BCKDHA: variants seen among roughly 807,000 people sequenced by gnomAD.
The protein encoded by BCKDHA is 2-oxoisovalerate dehydrogenase subunit alpha, mitochondrial.
In BCKDHA, 43 loss-of-function variants were observed where a neutral mutation model predicts 52.2. That is an observed-to-expected ratio of 0.82 (90% CI 0.64 to 1.06). The LOEUF (loss-of-function observed/expected upper bound fraction) is 1.06. Among genes scored for constraint, BCKDHA ranks in the 50% least tolerant of loss-of-function variants. BCKDHA has a pLI of 0.00. For synonymous variants in BCKDHA, 234 were observed against 247.9 expected (o/e 0.94, Z 0.53); for missense variants, 527 against 621.3 (o/e 0.85, Z 1.61).
At chr19:41,409,466 G>A (rs540768466) in intron 1 of BCKDHA, among the ~76,000 whole-genome samples, 1 of 152,310 alleles carries the variant, frequency 6.6e-6, no homozygotes, top group African/African-American at 2.4e-5. Context: ...CTTGGAACAT[G>A]TCAGGTGCTC....
At chr19:41,420,902 C>T (rs538933422) in intron 5 of BCKDHA, among the ~76,000 whole-genome samples, 1 of 152,346 alleles carries the variant, frequency 6.6e-6, no homozygotes, top group South Asian at 2.1e-4. Context: ...GGGCCTGTAG[C>T]CTGATCTAGG....
rs749876943 is a variant in BCKDHA, at chr19:41,424,573, G to C, written c.1303G>C (p.Gly435Arg). 3.1e-6 allele frequency: 5 copies of C among 1,613,380 alleles called. No homozygotes were observed. Among genetic ancestry groups the C allele is most frequent in the Non-Finnish European group, 4.2e-6 (5 of 1,179,700 alleles). ...TCTGGCCCGCCACCTGCAGACCTAC[G>C]GGGAGCACTACCCACTGGATCACTT... Reference protein sequence around the residue: ...ESLARHLQTYGEHYPLDHFDK With the variant: ...ESLARHLQTYREHYPLDHFDK Residue 435 changes from glycine (G) to arginine (R), a missense_variant, in exon 9 of 9, where the codon GGG becomes CGG. Gly to Arg is a moderately radical substitution (Grantham distance 125). Transcript: ENST00000269980.
At chr19:41,415,044 G>A (rs940478661) in intron 4 of BCKDHA, among the ~76,000 whole-genome samples, 15 of 152,154 alleles carry the variant, frequency 9.9e-5, no homozygotes, top group African/African-American at 2.9e-4. Flanking sequence ...TGTCATGATC[G>A]GGGACTCGCC....
chr19:41,422,213 C>T lies in BCKDHA; in HGVS notation c.696C>T (p.Val232=). ...AAKRANANRV[V]ICYFGEGAAS... ...AGCGGGCCAATGCCAACAGGGTCGT[C>T]ATCTGTTACTTCGGCGAGGGGGCAG... The change falls in exon 6 of 9, where the codon GTC becomes GTT. Residue 232 remains valine (V), a synonymous_variant. Transcript: ENST00000269980. 5 of 1,614,184 alleles carry T rather than the reference C, an allele frequency of 3.1e-6. No homozygotes were observed. The highest frequency in any genetic ancestry group is 4.2e-6 in the Non-Finnish European group (5 of 1,180,018).
chr19:41,410,267 G>A (rs1222642783), intron 1 of BCKDHA, among the ~76,000 whole-genome samples: 3 of 152,170 alleles, frequency 2.0e-5, no homozygotes, highest in Non-Finnish European at 2.9e-5. Flanking sequence ...GCCAGAATGG[G>A]GAGGCCTCGA....
chr19:41,419,986 CT>C (rs1184256822), intron 5 of BCKDHA, among the ~76,000 whole-genome samples: 1 of 152,174 alleles, frequency 6.6e-6, no homozygotes, highest in Non-Finnish European at 1.5e-5. Flanking sequence ...CCAGGCTGGT[CT>C]TGAACCTGAG....
At chr19:41,413,949 G>A in intron 3 of BCKDHA, 100 bp from the exon 4 acceptor site, 1 of 1,023,838 alleles carries the variant, frequency 9.8e-7, no homozygotes, top group South Asian at 1.3e-5. Flanking sequence ...GGAGGACTGT[G>A]AATTCATGGA....
intron 1 of BCKDHA, among the ~76,000 whole-genome samples, chr19:41,402,040 G>A (rs993156570): frequency 6.6e-6 from 1 of 152,206 alleles, no homozygotes; most frequent in Non-Finnish European, 1.5e-5. Flanking sequence ...CATGGCGGAA[G>A]GCAAATGAGG....
chr19:41,401,745 C>T (rs948456523), intron 1 of BCKDHA, among the ~76,000 whole-genome samples: 1 of 152,192 alleles, frequency 6.6e-6, no homozygotes, highest in African/African-American at 2.4e-5. Flanking sequence ...CTCTCTGACC[C>T]TAGCTAGTGG....
chr19:41,416,682 G>T (rs1328782273), intron 4 of BCKDHA, among the ~76,000 whole-genome samples: 2 of 152,166 alleles, frequency 1.3e-5, no homozygotes, highest in East Asian at 3.9e-4. Context: ...CACTTCGGGA[G>T]GCTGAGGCGG....
At chr19:41,411,167 G>T (rs934456348) in intron 3 of BCKDHA, among the ~76,000 whole-genome samples, 158 bp downstream of exon 3, 2 of 152,202 alleles carry the variant, frequency 1.3e-5, no homozygotes, top group South Asian at 4.1e-4. Flanking sequence ...GGAGAAGTGT[G>T]AGAGCAGTCC....
At chr19:41,401,634 T>C (rs2039139998) in intron 1 of BCKDHA, among the ~76,000 whole-genome samples, 1 of 152,140 alleles carries the variant, frequency 6.6e-6, no homozygotes, top group Non-Finnish European at 1.5e-5. Context: ...GACGTTTTAG[T>C]GCTCAGGGAA....
At chr19:41,418,312 G>A (rs1467141918) in intron 4 of BCKDHA, among the ~76,000 whole-genome samples, 1 of 152,058 alleles carries the variant, frequency 6.6e-6, no homozygotes, top group Admixed American at 6.6e-5. Flanking sequence ...CTTCAGGCGG[G>A]GCAAAGAGCT....
intron 1 of BCKDHA, chr19:41,399,749 T>A (rs1268489785): frequency 6.6e-6 from 1 of 151,190 alleles, no homozygotes; most frequent in Non-Finnish European, 1.5e-5. Context: ...TCTTCTCTTT[T>A]CTCTCTCTCT....
At chr19:41,421,764 G>A (rs952668424) in intron 5 of BCKDHA, among the ~76,000 whole-genome samples, 6 of 152,082 alleles carry the variant, frequency 3.9e-5, no homozygotes, top group African/African-American at 7.2e-5. Flanking sequence ...CATGGAATCC[G>A]CGGGCTGCCC....
chr19:41,418,777 C>A, intron 4 of BCKDHA: 1 of 449,070 alleles, frequency 2.2e-6, no homozygotes, highest in Non-Finnish European at 4.4e-6. Flanking sequence ...TGGGCTCAAG[C>A]GATCCTCCAA....
At chr19:41,411,069 T>TCCCCTACC in intron 3 of BCKDHA, 60 bp downstream of exon 3, 1 of 1,569,450 alleles carries the variant, frequency 6.4e-7, no homozygotes. Context: ...CCTACCTGTG[T>TCCCCTACC]TTGGGCCAAA....
chr19:41,402,754 C>T (rs1181908166), intron 1 of BCKDHA, among the ~76,000 whole-genome samples: 2 of 152,140 alleles, frequency 1.3e-5, no homozygotes, highest in Non-Finnish European at 2.9e-5. Context: ...GATTGTCCTG[C>T]CTCCCCCTCT....
intron 1 of BCKDHA, among the ~76,000 whole-genome samples, chr19:41,401,339 G>T (rs1199834596): frequency 6.6e-6 from 1 of 152,012 alleles, no homozygotes; most frequent in Non-Finnish European, 1.5e-5. Context: ...GCCTCCCAGA[G>T]TGCTGGGATT....
Sources: gnomAD v4.1 joint callset for allele counts (sites outside exome capture counted in the v4.1 genomes callset) on GRCh38, gnomAD v4.1.1 for gene constraint, MANE v1.5 for transcripts, NCBI Gene and HGNC (gene_info 2026-07-23, HGNC 2026-07-21) for gene names.